CSMD3: variants seen among roughly 807,000 people sequenced by gnomAD.
The protein encoded by CSMD3 is CUB and sushi domain-containing protein 3.
In CSMD3, 177 loss-of-function variants were observed where a neutral mutation model predicts 435.2. The ratio of observed to expected loss-of-function variants is 0.41; its 90% CI spans 0.36 to 0.46. The LOEUF (loss-of-function observed/expected upper bound fraction) is 0.46. Among genes scored for constraint, CSMD3 ranks in the 20% least tolerant of loss-of-function variants. CSMD3 has a pLI of 0.34. For synonymous variants in CSMD3, 1,656 were observed against 1,520.5 expected, an observed-to-expected ratio of 1.09 and a Z score of -2.07; for missense variants, 4,265 against 4,504.6, an observed-to-expected ratio of 0.95 and a Z score of 1.52.
intron 3 of CSMD3, among the ~76,000 whole-genome samples, chr8:113,239,579 C>T (rs1056585944): frequency 1.3e-5 from 2 of 151,870 alleles, no homozygotes; most frequent in African/African-American, 4.8e-5. Flanking sequence ...CAGAATATTA[C>T]AGATTTTGGC....
Position 112,408,424 on chromosome 8 carries a change from A to C in CSMD3, c.5510-11T>G. On this transcript the variant is annotated splice_polypyrimidine_tract_variant and intron_variant, in intron 33 of 70. Coordinates refer to ENST00000297405, the MANE Select transcript of CSMD3 (RefSeq NM_198123.2). ...GTGGAAGTGATTCTCCTACTCAACAAAACAAACACTAAGATATCATAAATA... is the reference window on the plus strand; with the variant it reads ...GTGGAAGTGATTCTCCTACTCAACACAACAAACACTAAGATATCATAAATA... 1 of 1,474,644 alleles carries C rather than the reference A, an allele frequency of 6.8e-7. No homozygotes were observed. The highest frequency in any genetic ancestry group is 9.5e-7 in the Non-Finnish European group (1 of 1,053,682). 91.3% of individuals were successfully genotyped at this position (1,474,644 alleles called of 1,614,324 possible). A position where few individuals can be genotyped will look rare whatever the true frequency, so the allele number is the denominator to read the frequency against.
At chr8:113,331,460 A>G (rs944541453) in intron 1 of CSMD3, among the ~76,000 whole-genome samples, 11 of 151,766 alleles carry the variant, frequency 7.2e-5, no homozygotes, top group Non-Finnish European at 1.6e-4. Context: ...TCTGATATCA[A>G]AAAACAAAGA....
At chr8:112,638,279 T>G (rs977766979) in intron 21 of CSMD3, among the ~76,000 whole-genome samples, 1 of 149,900 alleles carries the variant, frequency 6.7e-6, no homozygotes, top group African/African-American at 2.4e-5. Context: ...CTATGTGTTT[T>G]CCTAGACACA....
chr8:112,405,603 C>T (rs549366260), intron 35 of CSMD3, among the ~76,000 whole-genome samples: 94 of 151,720 alleles, frequency 6.2e-4, no homozygotes, highest in Non-Finnish European at 9.7e-4. Flanking sequence ...ATTGCAAAAA[C>T]AACTTCGAAA....
intron 24 of CSMD3, among the ~76,000 whole-genome samples, chr8:112,563,545 C>T (rs1828821233): frequency 6.6e-6 from 1 of 151,862 alleles, no homozygotes; most frequent in Middle Eastern, 3.4e-3. Context: ...AGTTTGTATC[C>T]TGTACATCAT....
At chr8:113,334,429 G>GT (rs1188210726) in intron 1 of CSMD3, among the ~76,000 whole-genome samples, 3 of 424 alleles carry the variant, frequency 7.1e-3, no homozygotes, top group African/African-American at 0.029. Context: ...TTTGCAATAG[G>GT]CCCACTTGGT....
intron 13 of CSMD3, among the ~76,000 whole-genome samples, chr8:112,776,604 A>C (rs2078252093): frequency 6.6e-6 from 1 of 151,718 alleles, no homozygotes; most frequent in South Asian, 2.1e-4. Flanking sequence ...CAGATCTAAA[A>C]GGGTTGGAAA....
intron 59 of CSMD3, among the ~76,000 whole-genome samples, chr8:112,270,876 A>G (rs1817474423): frequency 6.6e-6 from 1 of 152,162 alleles, no homozygotes; most frequent in Non-Finnish European, 1.5e-5. Flanking sequence ...AAAAAGTAAA[A>G]AGAAATCCAA....
At chr8:113,415,038 C>G (rs2094575959) in intron 1 of CSMD3, among the ~76,000 whole-genome samples, 1 of 151,968 alleles carries the variant, frequency 6.6e-6, no homozygotes, top group South Asian at 2.1e-4. Flanking sequence ...GCAGAATTAA[C>G]TAGTGAAAAG....
chr8:113,007,725 G>T (rs1302121721), intron 6 of CSMD3, among the ~76,000 whole-genome samples: 1 of 151,816 alleles, frequency 6.6e-6, no homozygotes, highest in East Asian at 1.9e-4. Context: ...AAGCTGAAAT[G>T]ATTTATTTGA....
At chr8:113,385,536 A>T (rs7828293) in intron 1 of CSMD3, among the ~76,000 whole-genome samples, 69,958 of 151,842 alleles carry the variant, frequency 0.46, 16,470 homozygotes, top group African/African-American at 0.53. Flanking sequence ...GGTGCTGAAT[A>T]AACCTTGCGC....
At position 112,952,154 on chromosome 8, in the gene CSMD3, G is replaced by GAAAA. The variant is rs879901429; in HGVS notation, c.1420+2526_1420+2529dup. Among the ~76,000 whole-genome samples, 5 of 141,336 alleles carry GAAAA rather than the reference G, an allele frequency of 3.5e-5. No individual in the cohort carries two copies. The East Asian group carries it at 1.0e-3, about 29-fold the overall frequency. 92.7% of individuals were successfully genotyped at this position (141,336 alleles called of 152,430 possible). ...AATTCAGAGTTCAGGTATAAAAGCT[G>GAAAA]AAAAAAAAAAAATCTGAATGAGCCT... On this transcript the variant is annotated intron_variant, in intron 8 of 70. Transcript: ENST00000297405.
chr8:113,057,184 C>T (rs1328610463), intron 5 of CSMD3, among the ~76,000 whole-genome samples: 3 of 152,114 alleles, frequency 2.0e-5, no homozygotes, highest in South Asian at 4.1e-4. Context: ...TTCACTATGC[C>T]ATTTTAACAC....
At chr8:112,358,932 TA>T (rs941063342) in intron 38 of CSMD3, among the ~76,000 whole-genome samples, 9 of 152,146 alleles carry the variant, frequency 5.9e-5, no homozygotes, top group Admixed American at 3.9e-4. Flanking sequence ...TATGTTTTTT[TA>T]AAAAAGAGTT....
At chr8:112,518,000 A>T (rs1032113945) in intron 27 of CSMD3, among the ~76,000 whole-genome samples, 2 of 152,210 alleles carry the variant, frequency 1.3e-5, no homozygotes, top group African/African-American at 4.8e-5. Flanking sequence ...ATTGCTAATA[A>T]CTAGGAACAA....
At chr8:112,829,616 C>T (rs113789095) in intron 12 of CSMD3, 70 bp downstream of exon 12, 10 of 858,120 alleles carry the variant, frequency 1.2e-5, no homozygotes, top group African/African-American at 6.7e-5. Flanking sequence ...CAATGTAAAA[C>T]AATAATTTGA....
chr8:112,272,553 A>G (rs1440952332), intron 59 of CSMD3, among the ~76,000 whole-genome samples: 4 of 152,158 alleles, frequency 2.6e-5, no homozygotes, highest in Non-Finnish European at 4.4e-5. Context: ...AATTTCATCT[A>G]TATATGTGAA....
chr8:112,458,226 CAGAG>C lies in CSMD3; in HGVS notation c.5395+14361_5395+14364del, dbSNP rs371786286. ...ACACACACTCACACCCACACACACACAGAGAAACAGAGATAGAGAAAATATCCAT... is the reference window on the plus strand; with the variant it reads ...ACACACACTCACACCCACACACACACAAACAGAGATAGAGAAAATATCCAT... On this transcript the variant is annotated intron_variant, in intron 32 of 70. Transcript: ENST00000297405. 1.2e-4 allele frequency among the ~76,000 whole-genome samples: 18 copies of C among 151,518 alleles called. No individual in the cohort carries two copies. The South Asian group carries it at 3.1e-3, about 26-fold the overall frequency.
intron 16 of CSMD3, among the ~76,000 whole-genome samples, chr8:112,668,512 C>T (rs757751318): frequency 4.6e-5 from 7 of 151,970 alleles, no homozygotes; most frequent in South Asian, 2.1e-4. Context: ...AGAAGCATTC[C>T]GACTAGCCAC....
Sources: gnomAD v4.1 joint callset for allele counts (sites outside exome capture counted in the v4.1 genomes callset) on GRCh38, gnomAD v4.1.1 for gene constraint, MANE v1.5 for transcripts, NCBI Gene and HGNC (gene_info 2026-07-23, HGNC 2026-07-21) for gene names.